The following SCAPER variants were observed in gnomAD, a reference collection of about 807,000 sequenced individuals.
SCAPER encodes the protein S-phase cyclin A associated protein in the ER.
A neutral mutation model predicts 182.2 loss-of-function variants in SCAPER; 98 were observed. The ratio of observed to expected loss-of-function variants is 0.54; its 90% CI spans 0.46 to 0.64. SCAPER has a LOEUF of 0.64. Ranked by LOEUF, SCAPER falls within the 30% of genes least tolerant of loss-of-function variation. SCAPER has a pLI of 0.00. For missense variants in SCAPER, 1,432 were observed against 1,690.0 expected, an observed-to-expected ratio of 0.85 and a Z score of 2.68; for synonymous variants, 605 against 564.6, an observed-to-expected ratio of 1.07 and a Z score of -1.01.
At chr15:76,616,535 G>A (rs2051500616) in intron 22 of SCAPER, among the ~76,000 whole-genome samples, 1 of 152,080 alleles carries the variant, frequency 6.6e-6, no homozygotes, top group Non-Finnish European at 1.5e-5. Flanking sequence ...AATAGTTCTG[G>A]AGATGGATGA....
Position 76,354,830 on chromosome 15 carries a change from C to T in SCAPER, c.3856-690G>A, listed in dbSNP as rs1173333887. ...CATTTAAAGAAATAGGGCAATGCAA[C>T]GAATGGGCTTGCAGGGAAGCCCTCT... is the stretch of plus-strand genomic sequence containing the variant. On this transcript the variant is annotated intron_variant, in intron 29 of 31. Coordinates refer to ENST00000563290, the MANE Select transcript of SCAPER (RefSeq NM_020843.4). The surrounding 1 kb of genome is among the most constrained non-coding windows in gnomAD (Gnocchi z 4.4). 3.3e-5 allele frequency among the ~76,000 whole-genome samples: 5 copies of T among 152,196 alleles called. No individual in the cohort carries two copies. Among genetic ancestry groups the T allele is most frequent in the Admixed American group, 6.5e-5 (1 of 15,280 alleles).
intron 25 of SCAPER, among the ~76,000 whole-genome samples, chr15:76,447,042 G>A (rs1462391417): frequency 2.0e-5 from 3 of 152,146 alleles, no homozygotes; most frequent in South Asian, 2.1e-4. Flanking sequence ...GGTGGACTAC[G>A]CTAAGCCATG....
At chr15:76,830,496 G>A (rs888184880) in intron 5 of SCAPER, among the ~76,000 whole-genome samples, 3 of 152,088 alleles carry the variant, frequency 2.0e-5, no homozygotes, top group African/African-American at 7.2e-5. Flanking sequence ...GCAGTAGAGT[G>A]AGAGATGTGA....
At position 76,841,641 on chromosome 15, in the gene SCAPER, C is replaced by T. The variant is rs1306279479; in HGVS notation, c.393+93G>A. 4 of 1,306,610 alleles carry T rather than the reference C, an allele frequency of 3.1e-6. No homozygotes were observed. The Admixed American group carries it at 9.4e-5, about 31-fold the overall frequency. The allele number at this position is 1,306,610 out of a possible 1,614,324, so 80.9% of individuals were successfully genotyped here. A position where few individuals can be genotyped will look rare whatever the true frequency, so the allele number is the denominator to read the frequency against. ...CAGCCTGGGCGACAGAGCAAAACTC[C>T]ATCTCAAAGAAAAAAAAAAGATCAA... On this transcript the variant is annotated intron_variant, in intron 5 of 31. Coordinates refer to ENST00000563290, the MANE Select transcript of SCAPER (RefSeq NM_020843.4).
At chr15:76,817,787 T>C (rs2067207272) in intron 5 of SCAPER, among the ~76,000 whole-genome samples, 1 of 152,118 alleles carries the variant, frequency 6.6e-6, no homozygotes, top group African/African-American at 2.4e-5. Context: ...ATAAGATCTA[T>C]ATTAGGAAAA....
rs141669608 is a variant in SCAPER at position 76,355,839 on chromosome 15, C to T, written c.3856-1699G>A. Among the ~76,000 whole-genome samples, 3 of 152,286 alleles carry T rather than the reference C, an allele frequency of 2.0e-5. No individual in the cohort carries two copies. In the East Asian group the frequency reaches 5.8e-4, roughly 29 times the overall value. On this transcript the variant is annotated intron_variant, in intron 29 of 31. Coordinates refer to ENST00000563290, the MANE Select transcript of SCAPER (RefSeq NM_020843.4). ...AGGAACAGAGCTAGTTATCAGCTGC[C>T]GTTTACAGAGCGAGTTTACAGAGAT...
At chr15:76,651,621 C>T (rs2146532314) in intron 21 of SCAPER, among the ~76,000 whole-genome samples, 1 of 145,714 alleles carries the variant, frequency 6.9e-6, no homozygotes, top group South Asian at 2.2e-4. Flanking sequence ...AACAAAGAAC[C>T]TACCAACCAA....
intron 28 of SCAPER, among the ~76,000 whole-genome samples, chr15:76,377,810 T>C (rs754631071): frequency 6.6e-6 from 1 of 152,140 alleles, no homozygotes; most frequent in Non-Finnish European, 1.5e-5. Flanking sequence ...AGCATACAGG[T>C]TTGTGGCTTT....
intron 14 of SCAPER, among the ~76,000 whole-genome samples, chr15:76,758,351 C>T (rs2062573863): frequency 6.6e-6 from 1 of 152,104 alleles, no homozygotes; most frequent in Admixed American, 6.6e-5. Context: ...TATGCTTTCC[C>T]CATTGTATGT....
intron 5 of SCAPER, among the ~76,000 whole-genome samples, chr15:76,839,833 C>T (rs1297508326): frequency 6.6e-6 from 1 of 152,138 alleles, no homozygotes; most frequent in African/African-American, 2.4e-5. Flanking sequence ...CAAGTTTCTG[C>T]TTATCACAAA....
At chr15:76,639,223 T>C (rs2053898986) in intron 21 of SCAPER, among the ~76,000 whole-genome samples, 1 of 152,216 alleles carries the variant, frequency 6.6e-6, no homozygotes, top group Non-Finnish European at 1.5e-5. Context: ...GGAACTGTGT[T>C]ATTTAATTCT....
chr15:76,659,737 G>C (rs2055971050), intron 21 of SCAPER, among the ~76,000 whole-genome samples: 1 of 151,684 alleles, frequency 6.6e-6, no homozygotes, highest in South Asian at 2.1e-4. Context: ...ATGCTGGCGA[G>C]GCTGTGGAAA....
chr15:76,408,051 C>T (rs991365068), intron 26 of SCAPER, among the ~76,000 whole-genome samples: 1 of 152,070 alleles, frequency 6.6e-6, no homozygotes, highest in African/African-American at 2.4e-5. Flanking sequence ...AACTGGTGTT[C>T]AAATTTCTAA....
chr15:76,747,037 C>G (rs944109726), intron 15 of SCAPER, among the ~76,000 whole-genome samples: 3 of 152,218 alleles, frequency 2.0e-5, no homozygotes, highest in African/African-American at 7.2e-5. Context: ...GCAAGGTACA[C>G]TACATTGGTA....
intron 1 of SCAPER, among the ~76,000 whole-genome samples, chr15:76,889,424 AC>A (rs2074040076): frequency 6.6e-6 from 1 of 152,200 alleles, no homozygotes; most frequent in Admixed American, 6.5e-5. Flanking sequence ...TATTCAGGAG[AC>A]CCATCTCATG....
intron 23 of SCAPER, among the ~76,000 whole-genome samples, chr15:76,547,679 C>G (rs557990263): frequency 1.3e-5 from 2 of 151,578 alleles, no homozygotes; most frequent in African/African-American, 4.9e-5. Flanking sequence ...CATTTGCTCA[C>G]TTACTCTATC....
chr15:76,858,331 C>T (rs1277600526), intron 3 of SCAPER, among the ~76,000 whole-genome samples: 1 of 152,128 alleles, frequency 6.6e-6, no homozygotes, highest in Non-Finnish European at 1.5e-5. Context: ...ATATGAAATG[C>T]ACAATTTCAC....
intron 26 of SCAPER, among the ~76,000 whole-genome samples, chr15:76,426,462 A>G (rs1287428259): frequency 1.3e-5 from 2 of 152,076 alleles, no homozygotes; most frequent in Non-Finnish European, 2.9e-5. Flanking sequence ...AAATGCAGAA[A>G]TCACCCGTCT....
At chr15:76,514,597 G>A (rs1177171343) in intron 23 of SCAPER, among the ~76,000 whole-genome samples, 1 of 152,202 alleles carries the variant, frequency 6.6e-6, no homozygotes, top group African/African-American at 2.4e-5. Flanking sequence ...TTAGACAGAG[G>A]TGGCAGATGG....
Sources: gnomAD v4.1 joint callset for allele counts (sites outside exome capture counted in the v4.1 genomes callset) on GRCh38, gnomAD v4.1.1 for gene constraint, Gnocchi (gnomAD v3.1) non-coding constraint, MANE v1.5 for transcripts, NCBI Gene and HGNC (gene_info 2026-07-23, HGNC 2026-07-21) for gene names.